Variants in CHRD observed in about 807,000 individuals in gnomAD.
CHRD encodes the protein chordin.
CHRD carries 69 observed loss-of-function variants against 113.7 expected under a neutral mutation model. That is an observed-to-expected ratio of 0.61 (90% CI 0.50 to 0.74). The LOEUF is 0.74. Among genes scored for constraint, CHRD ranks in the 30% least tolerant of loss-of-function variants. The pLI is 0.00. For synonymous variants in CHRD, 561 were observed against 540.8 expected, an observed-to-expected ratio of 1.04 and a Z score of -0.52; for missense variants, 1,194 against 1,295.8, an observed-to-expected ratio of 0.92 and a Z score of 1.21.
rs1715515110 is a variant in CHRD at position 184,381,996 on chromosome 3, T to G, written c.675T>G (p.Pro225=). Residue 225 remains proline, a synonymous_variant, in exon 6 of 23, where the codon CCT becomes CCG. Coordinates refer to ENST00000204604, the Ensembl canonical transcript of CHRD. The surrounding 1 kb of genome is among the most constrained non-coding windows in gnomAD (Gnocchi z 4.7). ...ATGGCAGTGTCCTGTTTGAGCACCC[T>G]GCAGCCCCCACCCAAGATGGCCTGG... 6.2e-7 allele frequency: 1 copy of G among 1,614,064 alleles called. No homozygotes were observed. Among genetic ancestry groups the G allele is most frequent in the East Asian group, 2.2e-5 (1 of 44,882 alleles).
chr3:184,383,721 T>C lies in CHRD; in HGVS notation c.1440+79T>C, dbSNP rs895393165. ...AGCCAGGTTGGATGAGCAGGGATGTTCATTATCATCCACTCACTCATGGGT... is the reference window on the plus strand; with the variant it reads ...AGCCAGGTTGGATGAGCAGGGATGTCCATTATCATCCACTCACTCATGGGT... On this transcript the variant is annotated intron_variant, in intron 12 of 22. Transcript: ENST00000204604. 7 of 1,395,950 alleles carry C rather than the reference T, an allele frequency of 5.0e-6. No homozygotes were observed. The African/African-American group carries it at 1.0e-4, about 20-fold the overall frequency. The allele number at this position is 1,395,950 out of a possible 1,614,324, so 86.5% of individuals were successfully genotyped here.
chr3:184,381,097 GAGATGA>G lies in CHRD; in HGVS notation c.253-135_253-130del. The G allele has an allele frequency of 4.1e-6, 4 of 974,134 alleles. No individual in the cohort carries two copies. Among genetic ancestry groups the G allele is most frequent in the Non-Finnish European group, 6.5e-6 (4 of 611,242 alleles). 60.3% of individuals were successfully genotyped at this position (974,134 alleles called of 1,614,324 possible). A position where few individuals can be genotyped will look rare whatever the true frequency, so the allele number is the denominator to read the frequency against. On this transcript the variant is annotated intron_variant, in intron 2 of 22. Transcript: ENST00000204604. The surrounding 1 kb of genome is among the most constrained non-coding windows in gnomAD (Gnocchi z 4.7). ...CCAGACAGGGACCTTGAGGCCCAGA[GAGATGA>G]AGTAGCTTGTCTAGGGTCACGCAGC...
At chr3:184,389,746 C>T (rs549913926) in exon 23 of CHRD, 5 of 288,534 alleles carry the variant, frequency 1.7e-5, no homozygotes, top group Non-Finnish European at 3.3e-5. Flanking sequence ...CAAGGGCCCC[C>T]GACACTCCAC....
rs1715137540 is a variant in CHRD at position 184,380,503 on chromosome 3, C to T, written c.148+37C>T. The T allele has an allele frequency of 4.5e-6, 5 of 1,117,430 alleles. No individual in the cohort carries two copies. Among genetic ancestry groups the T allele is most frequent in the Non-Finnish European group, 5.5e-6 (5 of 911,372 alleles). The allele number at this position is 1,117,430 out of a possible 1,614,324, so 69.2% of individuals were successfully genotyped here. ...CCCGGGGGAGGCGCGGGCGGGGAGT[C>T]GGGCTCGGGGCGAGTCAGCGCCAGC... On this transcript the variant is annotated intron_variant, in intron 1 of 22. Coordinates refer to ENST00000204604, the Ensembl canonical transcript of CHRD. This position sits in a 1 kb window ranked among gnomAD's most constrained non-coding sequence, Gnocchi z 6.3.
Position 184,381,408 on chromosome 3 carries a change from T to C in CHRD, c.382+44T>C. The C allele has an allele frequency of 1.3e-6, 2 of 1,598,772 alleles. No homozygotes were observed. The highest frequency in any genetic ancestry group is 1.7e-5 in the Admixed American group (1 of 58,452). On this transcript the variant is annotated intron_variant, in intron 3 of 22. Transcript: ENST00000204604. This position sits in a 1 kb window ranked among gnomAD's most constrained non-coding sequence, Gnocchi z 4.7. ...TGCGGGGAGGGAGGCAGGGCCACGATACTAGGTCCCGGGCCACTTGGATGG... is the reference window on the plus strand; with the variant it reads ...TGCGGGGAGGGAGGCAGGGCCACGACACTAGGTCCCGGGCCACTTGGATGG...
intron 6 of CHRD, 118 bp downstream of exon 6, chr3:184,382,138 GATGCCC>G: frequency 7.2e-7 from 1 of 1,392,738 alleles, no homozygotes; most frequent in East Asian, 2.4e-5. Flanking sequence ...CTGACATTAT[GATGCCC>G]ATTTTACAGA....
Position 184,384,837 on chromosome 3 carries a change from C to T in CHRD, c.1597+144C>T. On this transcript the variant is annotated intron_variant, in intron 13 of 22. Coordinates refer to ENST00000204604, the Ensembl canonical transcript of CHRD. The surrounding 1 kb of genome is among the most constrained non-coding windows in gnomAD (Gnocchi z 4.4). ...GGTGGGGACATATAGGGTGGCCCTG[C>T]TGGCGGACTCTTCCTGTTGCTGAGG... The T allele has an allele frequency of 5.6e-6, 7 of 1,241,822 alleles. No homozygotes were observed. The highest frequency in any genetic ancestry group is 1.5e-5 in the South Asian group (1 of 68,048). The allele number at this position is 1,241,822 out of a possible 1,614,324, so 76.9% of individuals were successfully genotyped here.
At position 184,380,409 on chromosome 3, in the gene CHRD, C is replaced by T. The variant is rs983459137; in HGVS notation, c.91C>T (p.Pro31Ser). 20 of 1,335,790 alleles carry T rather than the reference C, an allele frequency of 1.5e-5. No homozygotes were observed. The highest frequency in any genetic ancestry group is 1.9e-5 in the Non-Finnish European group (20 of 1,034,748). 82.7% of individuals were successfully genotyped at this position (1,335,790 alleles called of 1,614,324 possible). A position where few individuals can be genotyped will look rare whatever the true frequency, so the allele number is the denominator to read the frequency against. Residue 31 changes from proline (P) to serine (S), a missense_variant, in exon 1 of 23, where the codon CCC (proline) becomes TCC (serine). Transcript: ENST00000204604. This position sits in a 1 kb window ranked among gnomAD's most constrained non-coding sequence, Gnocchi z 6.3. ...GCCGGCCCGCGGCGCCGGCCCAGAG[C>T]CCCCCGTGCTGCCCATCCGTTCTGA...
At position 184,380,269 on chromosome 3, in the gene CHRD, C is replaced by T. The variant is rs1161988389; in HGVS notation, c.-50C>T. ...GCACTCCCGCCTCCCTCCCTCCGCC[C>T]GCTCCCGCGCCCTCCTCCCTCCCTC... On this transcript the variant is annotated 5_prime_UTR_variant, in exon 1 of 23. Transcript: ENST00000204604. This position sits in a 1 kb window ranked among gnomAD's most constrained non-coding sequence, Gnocchi z 6.3. The T allele has an allele frequency of 1.9e-6, 2 of 1,056,250 alleles. No individual in the cohort carries two copies. The highest frequency in any genetic ancestry group is 8.9e-5 in the Admixed American group (2 of 22,448). The allele number at this position is 1,056,250 out of a possible 1,614,324, so 65.4% of individuals were successfully genotyped here.
chr3:184,383,473 C>T lies in CHRD; in HGVS notation c.1321-50C>T, dbSNP rs200225861. The T allele has an allele frequency of 3.6e-4, 584 of 1,613,390 alleles. 2 individuals are homozygous for T. The African/African-American group carries it at 7.1e-3, about 20-fold the overall frequency. ...GAGGGGTGGCGTGGGCAGCAGGCCC[C>T]AGGCCTTTACTGCCTCTCCACTTTG... is the stretch of plus-strand genomic sequence containing the variant. On this transcript the variant is annotated intron_variant, in intron 11 of 22. Transcript: ENST00000204604.
chr3:184,380,719 C>A lies in CHRD; in HGVS notation c.176C>A (p.Ala59Asp), dbSNP rs1056163964. 9.4e-6 allele frequency: 15 copies of A among 1,598,204 alleles called. No homozygotes were observed. Among genetic ancestry groups the A allele is most frequent in the Non-Finnish European group, 1.3e-5 (15 of 1,176,508 alleles). ...TGCACCTTCGGCGGGAAGGTCTATG[C>A]CTTGGACGAGACGTGGCACCCGGAC... The change falls in exon 2 of 23, where the codon GCC (alanine) becomes GAC (aspartate). Residue 59 changes from alanine (A) to aspartate (D), a missense_variant. Ala to Asp is a moderately radical substitution (Grantham distance 126). Coordinates refer to ENST00000204604, the Ensembl canonical transcript of CHRD. This position sits in a 1 kb window ranked among gnomAD's most constrained non-coding sequence, Gnocchi z 6.3.
Position 184,384,627 on chromosome 3 carries a change from C to A in CHRD, c.1531C>A (p.Pro511Thr). ...CCTGAACGTGGGCACCAAGGACTTCCCAGACGGAGAGCTTCGGGGGCACGT... is the reference window on the plus strand; with the variant it reads ...CCTGAACGTGGGCACCAAGGACTTCACAGACGGAGAGCTTCGGGGGCACGT... The change falls in exon 13 of 23, where the codon CCA becomes ACA. Residue 511 changes from proline (P) to threonine (T), a missense_variant. Coordinates refer to ENST00000204604, the Ensembl canonical transcript of CHRD. This position sits in a 1 kb window ranked among gnomAD's most constrained non-coding sequence, Gnocchi z 4.4. 1 of 1,609,094 alleles carries A rather than the reference C, an allele frequency of 6.2e-7. No homozygotes were observed. The highest frequency in any genetic ancestry group is 8.5e-7 in the Non-Finnish European group (1 of 1,177,762).
In CHRD at chr3:184,387,784, A is replaced by G; in HGVS notation, c.2452-147A>G. ...CCTACCTTGCAGGGTTCTGATGAGG[A>G]GCTGAGTTTAGGTCTATAAAGCCAG... On this transcript the variant is annotated intron_variant, in intron 19 of 22. Transcript: ENST00000204604. This position sits in a 1 kb window ranked among gnomAD's most constrained non-coding sequence, Gnocchi z 6.1. 1.4e-6 allele frequency: 1 copy of G among 712,460 alleles called. No individual in the cohort carries two copies. The highest frequency in any genetic ancestry group is 1.8e-5 in the South Asian group (1 of 56,844). The allele number at this position is 712,460 out of a possible 1,614,324, so 44.1% of individuals were successfully genotyped here.
At chr3:184,382,575 A>G (rs1450455072) in intron 7 of CHRD, 45 bp downstream of exon 7, 1 of 1,611,770 alleles carries the variant, frequency 6.2e-7, no homozygotes, top group African/African-American at 1.3e-5. Context: ...AGTCTTCTCT[A>G]TCACCCAGGA....
rs1716028934 is a variant in CHRD, at chr3:184,384,815, G to C, written c.1597+122G>C. ...TAAGCTCCGGTTGCCATCTGAAGGT[G>C]GGGACATATAGGGTGGCCCTGCTGG... On this transcript the variant is annotated intron_variant, in intron 13 of 22. Transcript: ENST00000204604. This position sits in a 1 kb window ranked among gnomAD's most constrained non-coding sequence, Gnocchi z 4.4. 2 of 1,360,244 alleles carry C rather than the reference G, an allele frequency of 1.5e-6. No individual in the cohort carries two copies. The highest frequency in any genetic ancestry group is 5.1e-5 in the Admixed American group (2 of 39,360). 84.3% of individuals were successfully genotyped at this position (1,360,244 alleles called of 1,614,324 possible). A position where few individuals can be genotyped will look rare whatever the true frequency, so the allele number is the denominator to read the frequency against.
Position 184,380,541 on chromosome 3 carries a change from C to T in CHRD, c.148+75C>T. 9.9e-7 allele frequency: 1 copy of T among 1,013,008 alleles called. No homozygotes were observed. The highest frequency in any genetic ancestry group is 1.2e-6 in the Non-Finnish European group (1 of 828,810). 62.8% of individuals were successfully genotyped at this position (1,013,008 alleles called of 1,614,324 possible). ...AGTCAGCGCCAGCCCGGAGGGGGCG[C>T]GGGGCGCAGGTGGCTCGGCGCGGCG... is the stretch of plus-strand genomic sequence containing the variant. On this transcript the variant is annotated intron_variant, in intron 1 of 22. Coordinates refer to ENST00000204604, the Ensembl canonical transcript of CHRD. The surrounding 1 kb of genome is among the most constrained non-coding windows in gnomAD (Gnocchi z 6.3).
chr3:184,387,925 C>G lies in CHRD; in HGVS notation c.2452-6C>G, dbSNP rs1716579804. 6.2e-7 allele frequency: 1 copy of G among 1,609,208 alleles called. No individual in the cohort carries two copies. The highest frequency in any genetic ancestry group is 1.3e-5 in the African/African-American group (1 of 75,036). ...CTGACACTCCTTGCTCAATGGATCC[C>G]TACAGGGGGGCACTGGAGAGGTGCA... is the stretch of plus-strand genomic sequence containing the variant. On this transcript the variant is annotated splice_polypyrimidine_tract_variant and splice_region_variant and intron_variant, in intron 19 of 22. Transcript: ENST00000204604. This position sits in a 1 kb window ranked among gnomAD's most constrained non-coding sequence, Gnocchi z 6.1.
intron 6 of CHRD, 50 bp from the exon 7 acceptor site, chr3:184,382,339 C>T (rs1222675893): frequency 2.5e-6 from 4 of 1,607,818 alleles, no homozygotes. Flanking sequence ...CCTAATTGGC[C>T]TAGCCTGCAC....
Position 184,384,522 on chromosome 3 carries a change from C to A in CHRD, c.1441-15C>A. 1 of 1,496,132 alleles carries A rather than the reference C, an allele frequency of 6.7e-7. No homozygotes were observed. Among genetic ancestry groups the A allele is most frequent in the Non-Finnish European group, 8.9e-7 (1 of 1,123,556 alleles). 92.7% of individuals were successfully genotyped at this position (1,496,132 alleles called of 1,614,324 possible). A position where few individuals can be genotyped will look rare whatever the true frequency, so the allele number is the denominator to read the frequency against. ...CGTGTGAGAGCTGAGAAGGCCTATC[C>A]TCCCCTGCCCCCAGGCCGTGGGTAT... On this transcript the variant is annotated splice_polypyrimidine_tract_variant and intron_variant, in intron 12 of 22. Transcript: ENST00000204604. The surrounding 1 kb of genome is among the most constrained non-coding windows in gnomAD (Gnocchi z 4.4).
Sources: allele counts gnomAD v4.1 joint callset, GRCh38; gene constraint gnomAD v4.1.1; non-coding constraint Gnocchi (gnomAD v3.1); transcripts MANE v1.5; gene names NCBI Gene and HGNC (gene_info 2026-07-23, HGNC 2026-07-21).